The following ACO2 variants were observed in gnomAD, a reference collection of about 807,000 sequenced individuals.
The protein encoded by ACO2 is aconitase 2, also known as aconitate hydratase, mitochondrial.
In ACO2, 31 loss-of-function variants were observed where a neutral mutation model predicts 84.5. The ratio of observed to expected loss-of-function variants is 0.37; its 90% CI spans 0.28 to 0.50. The LOEUF (loss-of-function observed/expected upper bound fraction) is 0.50, where lower values mean the gene tolerates loss of function less well. Ranked by LOEUF, ACO2 falls within the 20% of genes least tolerant of loss-of-function variation. ACO2 has a pLI of 0.97. For synonymous variants in ACO2, 414 were observed against 412.7 expected, an observed-to-expected ratio of 1.00 and a Z score of -0.04; for missense variants, 685 against 1,029.3, an observed-to-expected ratio of 0.67 and a Z score of 4.58.
At chr22:41,472,705 C>T (rs2037961205) in intron 1 of ACO2, among the ~76,000 whole-genome samples, 1 of 152,086 alleles carries the variant, frequency 6.6e-6, no homozygotes, top group African/African-American at 2.4e-5. Context: ...GGCTTGGCTT[C>T]CCAAAGTGCT....
intron 1 of ACO2, among the ~76,000 whole-genome samples, chr22:41,490,109 G>A (rs1035453961): frequency 6.6e-6 from 1 of 152,262 alleles, no homozygotes; most frequent in Non-Finnish European, 1.5e-5. Flanking sequence ...GATCACCTGA[G>A]GTCAGGAGTT....
At chr22:41,498,311 C>T (rs1260505470) in intron 1 of ACO2, among the ~76,000 whole-genome samples, 1 of 151,536 alleles carries the variant, frequency 6.6e-6, no homozygotes, top group Admixed American at 6.6e-5. Context: ...GACACTATCT[C>T]TTAAAAAAAA....
chr22:41,481,538 A>G (rs1458982190), intron 1 of ACO2, among the ~76,000 whole-genome samples: 3 of 152,222 alleles, frequency 2.0e-5, no homozygotes, highest in African/African-American at 7.2e-5. Context: ...TATTCTCTGA[A>G]TACAACTGGT....
intron 2 of ACO2, among the ~76,000 whole-genome samples, chr22:41,503,175 A>G (rs1448201376): frequency 1.3e-5 from 2 of 152,230 alleles, no homozygotes; most frequent in Non-Finnish European, 2.9e-5. Context: ...TTTTATCATT[A>G]AAATTGACAA....
chr22:41,501,734 T>C (rs2066355145), intron 2 of ACO2, among the ~76,000 whole-genome samples: 1 of 152,176 alleles, frequency 6.6e-6, no homozygotes, highest in Admixed American at 6.5e-5. Context: ...CTCGTCTTTG[T>C]ACCCTCTAGT....
chr22:41,526,728 C>T (rs2066605841), intron 15 of ACO2: 2 of 402,666 alleles, frequency 5.0e-6, no homozygotes, highest in African/African-American at 2.0e-5. Context: ...AGGAAGGGGG[C>T]CGACTCAGGA....
chr22:41,528,489 G>C lies in ACO2; in HGVS notation c.2219G>C (p.Cys740Ser). The stretch of plus-strand genomic sequence containing the variant: ...ACCTTCTCCTTGCAGCCCCTGAAGT[G>C]CATCATCAAGCACCCCAACGGGACC... ...KDFTPGKPLK[C>S]IIKHPNGTQE... Residue 740 changes from cysteine to serine, a missense_variant, in exon 18 of 18, where the codon TGC (cysteine) becomes TCC (serine). Transcript: ENST00000216254. The C allele has an allele frequency of 6.2e-7, 1 of 1,612,216 alleles. No homozygotes were observed. Among genetic ancestry groups the C allele is most frequent in the Non-Finnish European group, 8.5e-7 (1 of 1,180,004 alleles).
At chr22:41,519,426 T>C (rs1569019317) in intron 8 of ACO2, among the ~76,000 whole-genome samples, 1 of 152,220 alleles carries the variant, frequency 6.6e-6, no homozygotes, top group Non-Finnish European at 1.5e-5. Context: ...GGAGGTTTAC[T>C]GCATGCTGCG....
chr22:41,497,139 G>A (rs2066319858), intron 1 of ACO2, among the ~76,000 whole-genome samples: 1 of 151,778 alleles, frequency 6.6e-6, no homozygotes, highest in South Asian at 2.1e-4. Context: ...GGTGATCTTG[G>A]CTCACTGCAA....
intron 1 of ACO2, among the ~76,000 whole-genome samples, chr22:41,484,871 CTTTTTTT>C (rs1231320140): frequency 1.7e-5 from 2 of 118,984 alleles, no homozygotes; most frequent in Non-Finnish European, 3.6e-5. Context: ...GGAGTCAGCT[CTTTTTTT>C]TTTTTTTTTT....
chr22:41,503,281 A>T (rs2066366599), intron 2 of ACO2, among the ~76,000 whole-genome samples: 1 of 151,868 alleles, frequency 6.6e-6, no homozygotes, highest in Non-Finnish European at 1.5e-5. Context: ...TTAAAGTCCA[A>T]TAACTTTGAA....
At chr22:41,502,096 C>G (rs537130303) in intron 2 of ACO2, among the ~76,000 whole-genome samples, 1 of 152,304 alleles carries the variant, frequency 6.6e-6, no homozygotes, top group Admixed American at 6.5e-5. Context: ...TGACTGACCC[C>G]ACACTCAAGC....
chr22:41,506,554 C>T (rs2066394966), intron 2 of ACO2, among the ~76,000 whole-genome samples: 9 of 152,118 alleles, frequency 5.9e-5, no homozygotes, highest in Admixed American at 5.9e-4. Context: ...CACCCGGCCT[C>T]ATTCTGTTTT....
chr22:41,477,410 C>T (rs919764536), intron 1 of ACO2, among the ~76,000 whole-genome samples: 11 of 151,850 alleles, frequency 7.2e-5, no homozygotes, highest in South Asian at 2.1e-4. Flanking sequence ...CCACCTGCCT[C>T]GGCCTCCCAA....
intron 1 of ACO2, among the ~76,000 whole-genome samples, chr22:41,471,050 G>A (rs2037940582): frequency 6.6e-6 from 1 of 152,030 alleles, no homozygotes; most frequent in Non-Finnish European, 1.5e-5. Context: ...AAGGAGATCT[G>A]GGCTCTCTTT....
At chr22:41,527,175 C>T (rs1350706384) in intron 15 of ACO2, 113 bp from the exon 16 acceptor site, 36 of 1,523,252 alleles carry the variant, frequency 2.4e-5, no homozygotes, top group Middle Eastern at 1.8e-4. Flanking sequence ...GCCCCTTTAC[C>T]GGGAGCCTCA....
At chr22:41,528,191 G>A in intron 17 of ACO2, 169 bp downstream of exon 17, 1 of 1,110,430 alleles carries the variant, frequency 9.0e-7, no homozygotes. Flanking sequence ...CTCAGAGTTG[G>A]GGGTTGGAGT....
At chr22:41,527,670 CT>C in intron 16 of ACO2, 1 of 793,916 alleles carries the variant, frequency 1.3e-6, no homozygotes, top group Non-Finnish European at 2.0e-6. Flanking sequence ...CCAGGGGGTT[CT>C]TTCTGATCAT....
rs1601936144 is a variant in ACO2 at position 41,527,221 on chromosome 22, G to A, written c.1954-67G>A. 3.7e-6 allele frequency: 6 copies of A among 1,611,696 alleles called. No homozygotes were observed. In the East Asian group the frequency reaches 1.1e-4, roughly 30 times the overall value. Reference sequence around the variant, plus strand: ...GCGCCAGGTGGGTGAGGCCAGGCAGGTAGGGCCAGACAGGTGAGGACGGTG... The same window carrying A: ...GCGCCAGGTGGGTGAGGCCAGGCAGATAGGGCCAGACAGGTGAGGACGGTG... On this transcript the variant is annotated intron_variant, in intron 15 of 17. Coordinates refer to ENST00000216254, the MANE Select transcript of ACO2 (RefSeq NM_001098.3).
Sources: allele counts gnomAD v4.1 joint callset (sites outside exome capture counted in the v4.1 genomes callset), GRCh38; gene constraint gnomAD v4.1.1; transcripts MANE v1.5; gene names NCBI Gene and HGNC (gene_info 2026-07-23, HGNC 2026-07-21).